The following KLHL18 variants were observed in gnomAD, a reference collection of about 807,000 sequenced individuals.
KLHL18 encodes kelch-like protein 18.
In KLHL18, 38 loss-of-function variants were observed where a neutral mutation model predicts 58.5. That is an observed-to-expected ratio of 0.65 (90% CI 0.50 to 0.85). The LOEUF is 0.85. Ranked by LOEUF, KLHL18 falls within the 40% of genes least tolerant of loss-of-function variation. KLHL18 has a pLI of 0.00. For synonymous variants in KLHL18, 303 were observed against 301.9 expected (o/e 1.00, Z -0.04); for missense variants, 624 against 778.4 (o/e 0.80, Z 2.36).
intron 1 of KLHL18, among the ~76,000 whole-genome samples, chr3:47,291,228 T>C (rs1318097722): frequency 6.6e-6 from 1 of 152,234 alleles, no homozygotes; most frequent in African/African-American, 2.4e-5. Context: ...TTTCTAAATG[T>C]GTGTTCCTAG....
rs1464506594 is a variant in KLHL18, at chr3:47,328,011, T to C, written c.402-1940T>C. 2.6e-5 allele frequency among the ~76,000 whole-genome samples: 4 copies of C among 152,324 alleles called. No homozygotes were observed. In the East Asian group the frequency reaches 7.7e-4, roughly 29 times the overall value. On this transcript the variant is annotated intron_variant, in intron 3 of 9. Transcript: ENST00000232766. Reference sequence around the variant, plus strand: ...ATAAGAATCCCCCAGGGTCTGCTGCTGTCACCAAGATTTTAGAATCGCACT... The same window carrying C: ...ATAAGAATCCCCCAGGGTCTGCTGCCGTCACCAAGATTTTAGAATCGCACT...
intron 1 of KLHL18, among the ~76,000 whole-genome samples, chr3:47,303,620 G>A (rs891564474): frequency 3.3e-5 from 5 of 152,164 alleles, no homozygotes; most frequent in African/African-American, 7.2e-5. Context: ...GCAAGCTCTC[G>A]TTCTGTCACC....
Position 47,344,578 on chromosome 3 carries a change from CAGG to C in KLHL18, c.*640_*642del, listed in dbSNP as rs1463380753. The C allele has an allele frequency of 1.3e-5, 2 of 152,260 alleles. No homozygotes were observed. Among genetic ancestry groups the C allele is most frequent in the African/African-American group, 4.8e-5 (2 of 41,254 alleles). The allele number at this position is 152,260 out of a possible 1,614,324, so 9.4% of individuals were successfully genotyped here. On this transcript the variant is annotated 3_prime_UTR_variant, in exon 10 of 10. Coordinates refer to ENST00000232766, the MANE Select transcript of KLHL18 (RefSeq NM_025010.5). ...TTTCAGTGAGGCCTTTTGATCTGTC[CAGG>C]AGAACAGAAGGGAAAAAAAGATACT... is the stretch of plus-strand genomic sequence containing the variant.
chr3:47,298,564 T>A (rs1393684123), intron 1 of KLHL18, among the ~76,000 whole-genome samples: 1 of 152,160 alleles, frequency 6.6e-6, no homozygotes, highest in Non-Finnish European at 1.5e-5. Flanking sequence ...GCCCCCTTGG[T>A]GCAGCCCATG....
At chr3:47,316,090 A>T (rs1703414808) in intron 1 of KLHL18, among the ~76,000 whole-genome samples, 1 of 152,150 alleles carries the variant, frequency 6.6e-6, no homozygotes, top group Non-Finnish European at 1.5e-5. Flanking sequence ...GAAATTTCTG[A>T]GGAGAAAAAA....
At chr3:47,323,623 T>A (rs1433152524) in intron 3 of KLHL18, among the ~76,000 whole-genome samples, 1 of 152,200 alleles carries the variant, frequency 6.6e-6, no homozygotes, top group Non-Finnish European at 1.5e-5. Flanking sequence ...GCCAGAGCTC[T>A]TAGTCATAAG....
chr3:47,336,596 TC>T lies in KLHL18; in HGVS notation c.963del (p.Met322Ter). 1 of 1,614,188 alleles carries T rather than the reference TC, an allele frequency of 6.2e-7. No homozygotes were observed. The highest frequency in any genetic ancestry group is 8.5e-7 in the Non-Finnish European group (1 of 1,180,038). On this transcript the variant is annotated frameshift_variant, in exon 7 of 10. Coordinates refer to ENST00000232766, the MANE Select transcript of KLHL18 (RefSeq NM_025010.5). LOFTEE classifies it high-confidence loss of function. ...TTGCCAATTGCTGGGAGAGATGCCG[TC>T]CCATGACAACAGCCCGCAGCCGCGT... ...PIANCWERCRPMTTARSRVGV... is the reference protein window; with the variant it reads ...PIANCWERCRXMTTARSRVGV...
intron 9 of KLHL18, among the ~76,000 whole-genome samples, chr3:47,343,232 G>A (rs528443571): frequency 6.6e-6 from 1 of 152,374 alleles, no homozygotes; most frequent in South Asian, 2.1e-4. Flanking sequence ...TCCATAGTCA[G>A]TCAGTGCTGC....
intron 1 of KLHL18, among the ~76,000 whole-genome samples, chr3:47,291,111 TG>T (rs1463376559): frequency 6.6e-6 from 1 of 152,224 alleles, no homozygotes; most frequent in East Asian, 1.9e-4. Context: ...GTTTCTTAAC[TG>T]CAGACGGTTC....
chr3:47,320,398 T>C (rs295432), intron 2 of KLHL18, among the ~76,000 whole-genome samples: 145,910 of 152,264 alleles, frequency 0.96, 70,238 homozygotes, highest in East Asian at 1. Context: ...CAACACAGGT[T>C]TAGAAGGTGG....
chr3:47,325,430 C>A (rs151176697), intron 3 of KLHL18, among the ~76,000 whole-genome samples: 4,475 of 152,218 alleles, frequency 0.029, 219 homozygotes, highest in East Asian at 0.13. Flanking sequence ...ATCTCCTGAC[C>A]TTGTGATCCG....
intron 1 of KLHL18, among the ~76,000 whole-genome samples, chr3:47,315,685 C>T (rs1190397804): frequency 2.0e-5 from 3 of 152,170 alleles, no homozygotes; most frequent in Non-Finnish European, 4.4e-5. Flanking sequence ...ACAAGCCTAC[C>T]CCCTAGCCAA....
intron 4 of KLHL18, among the ~76,000 whole-genome samples, chr3:47,331,885 G>A (rs1347386164): frequency 6.6e-6 from 1 of 152,158 alleles, no homozygotes; most frequent in African/African-American, 2.4e-5. Context: ...GGACAGTCTA[G>A]GGCATAAGGG....
chr3:47,316,587 A>G (rs1430964876), intron 1 of KLHL18, among the ~76,000 whole-genome samples: 1 of 137,422 alleles, frequency 7.3e-6, no homozygotes, highest in Non-Finnish European at 1.5e-5. Flanking sequence ...ATATATATAC[A>G]TATATACGTA....
chr3:47,323,575 G>A (rs759443999), intron 3 of KLHL18, among the ~76,000 whole-genome samples: 1 of 152,168 alleles, frequency 6.6e-6, no homozygotes. Context: ...GTGACCTTCT[G>A]CCTGAGCAGT....
intron 1 of KLHL18, among the ~76,000 whole-genome samples, chr3:47,312,725 C>A (rs910783833): frequency 6.6e-6 from 1 of 152,078 alleles, no homozygotes; most frequent in Non-Finnish European, 1.5e-5. Context: ...CCTCCGCCCC[C>A]TGAGAGGCTA....
At chr3:47,315,539 T>C (rs1355910642) in intron 1 of KLHL18, among the ~76,000 whole-genome samples, 2 of 152,218 alleles carry the variant, frequency 1.3e-5, no homozygotes, top group Non-Finnish European at 2.9e-5. Context: ...GATATTTCCC[T>C]GCAAGAGACT....
At chr3:47,291,704 T>C (rs573822410) in intron 1 of KLHL18, among the ~76,000 whole-genome samples, 182 of 152,350 alleles carry the variant, frequency 1.2e-3, no homozygotes, top group Admixed American at 2.7e-3. Flanking sequence ...TTTATTTTTA[T>C]TATTTATTGC....
At chr3:47,300,147 C>T (rs1468717910) in intron 1 of KLHL18, among the ~76,000 whole-genome samples, 2 of 151,348 alleles carry the variant, frequency 1.3e-5, no homozygotes, top group African/African-American at 4.9e-5. Flanking sequence ...CCTTCTCTCC[C>T]CCTCTCCACT....
Sources: allele counts gnomAD v4.1 joint callset (sites outside exome capture counted in the v4.1 genomes callset), GRCh38; gene constraint gnomAD v4.1.1; transcripts MANE v1.5; gene names NCBI Gene and HGNC (gene_info 2026-07-23, HGNC 2026-07-21).